Variants in FAM193A observed in about 807,000 individuals in gnomAD.
FAM193A encodes the protein family with sequence similarity 193 member A, also known as protein FAM193A.
FAM193A carries 22 observed loss-of-function variants against 126.5 expected under a neutral mutation model. That is an observed-to-expected ratio of 0.17 (90% CI 0.12 to 0.25). The LOEUF is 0.25. FAM193A is among the 10% of genes least tolerant of loss of function. The probability of loss-of-function intolerance (pLI) is 1.00; values close to 1 mark genes in which losing one functional copy is unlikely to be tolerated. For missense variants in FAM193A, 1,675 were observed against 1,672.8 expected (o/e 1.00, Z -0.02); for synonymous variants, 761 against 646.8 (o/e 1.18, Z -2.68).
Position 2,617,518 on chromosome 4 carries a change from C to T in FAM193A, c.502-7744C>T, listed in dbSNP as rs183329714. On this transcript the variant is annotated intron_variant, in intron 2 of 20. Transcript: ENST00000637812. The stretch of plus-strand genomic sequence containing the variant: ...TGACCTCGTGATCCACCTGCCTCGC[C>T]TTCCCAAAGTGCTGGGATTACAGGC... Among the ~76,000 whole-genome samples, 753 of 151,660 alleles carry T rather than the reference C, an allele frequency of 5.0e-3. 2 individuals are homozygous for T. Among genetic ancestry groups the T allele is most frequent in the Non-Finnish European group, 7.9e-3 (536 of 67,932 alleles).
At chr4:2,605,970 CAAAAA>C (rs1160026686) in intron 2 of FAM193A, among the ~76,000 whole-genome samples, 16 of 31,898 alleles carry the variant, frequency 5.0e-4, no homozygotes, top group African/African-American at 1.6e-3. Flanking sequence ...GACTCTGTCT[CAAAAA>C]AAAAAAAAAA....
At chr4:2,655,219 G>A (rs1222423584) in intron 7 of FAM193A, 1 of 527,060 alleles carries the variant, frequency 1.9e-6, no homozygotes, top group Non-Finnish European at 3.4e-6. Flanking sequence ...ATTTCTAGTT[G>A]ATTTAGGCTA....
intron 6 of FAM193A, among the ~76,000 whole-genome samples, chr4:2,641,129 C>T (rs1223521654): frequency 6.6e-6 from 1 of 151,616 alleles, no homozygotes; most frequent in Non-Finnish European, 1.5e-5. Context: ...CAACCTCCAC[C>T]TCCCAGGTTC....
chr4:2,717,696 G>T (rs1170750552), intron 20 of FAM193A, among the ~76,000 whole-genome samples: 1 of 150,706 alleles, frequency 6.6e-6, no homozygotes, highest in Non-Finnish European at 1.5e-5. Flanking sequence ...TGAGGTTGCA[G>T]TGAACTATGA....
In FAM193A at chr4:2,658,364, C is replaced by G. The variant is rs376459978; in HGVS notation, c.1389+484C>G. Among the ~76,000 whole-genome samples, 41 of 152,266 alleles carry G rather than the reference C, an allele frequency of 2.7e-4. No individual in the cohort carries two copies. In the East Asian group the frequency reaches 4.5e-3, roughly 17 times the overall value. On this transcript the variant is annotated intron_variant, in intron 8 of 20. Transcript: ENST00000637812. ...TGGCAGCTGGCAGATCTGGACTCTCCCTTCCTCATCTTCCTGGCGGTGCCT... is the reference window on the plus strand; with the variant it reads ...TGGCAGCTGGCAGATCTGGACTCTCGCTTCCTCATCTTCCTGGCGGTGCCT...
At position 2,633,067 on chromosome 4, in the gene FAM193A, T is replaced by C. The variant is rs561292046; in HGVS notation, c.1038+1898T>C. Among the ~76,000 whole-genome samples, 7 of 152,314 alleles carry C rather than the reference T, an allele frequency of 4.6e-5. No homozygotes were observed. In the East Asian group the frequency reaches 1.3e-3, roughly 29 times the overall value. On this transcript the variant is annotated intron_variant, in intron 5 of 20. Coordinates refer to ENST00000637812, the MANE Select transcript of FAM193A (RefSeq NM_001366318.2). ...AAAAATTAATTTGAACCATATTTAT[T>C]AGAGCAAATTCCTAGCAGTTGACAT... is the stretch of plus-strand genomic sequence containing the variant.
At chr4:2,691,416 C>T (rs555843758) in intron 15 of FAM193A, among the ~76,000 whole-genome samples, 1 of 152,262 alleles carries the variant, frequency 6.6e-6, no homozygotes, top group African/African-American at 2.4e-5. Context: ...GGGGTTTCAC[C>T]ATTTTGGCCA....
At chr4:2,603,582 A>G (rs192728136) in intron 2 of FAM193A, among the ~76,000 whole-genome samples, 8 of 142,130 alleles carry the variant, frequency 5.6e-5, no homozygotes, top group African/African-American at 1.6e-4. Context: ...TCAGCCTCCC[A>G]AGTAGCTGGG....
chr4:2,660,997 A>G (rs1005551473), intron 10 of FAM193A, among the ~76,000 whole-genome samples: 28 of 152,336 alleles, frequency 1.8e-4, no homozygotes, highest in African/African-American at 6.5e-4. Flanking sequence ...CTGTTATCCA[A>G]CTTCTTACTG....
At chr4:2,606,491 T>G (rs1741559321) in intron 2 of FAM193A, among the ~76,000 whole-genome samples, 1 of 152,220 alleles carries the variant, frequency 6.6e-6, no homozygotes, top group African/African-American at 2.4e-5. Flanking sequence ...ATTGTGGATA[T>G]TTTTCTTTGA....
intron 1 of FAM193A, among the ~76,000 whole-genome samples, chr4:2,591,557 G>T (rs1463561116): frequency 6.6e-6 from 1 of 152,044 alleles, no homozygotes; most frequent in African/African-American, 2.4e-5. Flanking sequence ...TTCATAGGGC[G>T]GTCTAATCTG....
chr4:2,587,603 G>A (rs915812962), intron 1 of FAM193A, among the ~76,000 whole-genome samples: 1 of 152,158 alleles, frequency 6.6e-6, no homozygotes, highest in Non-Finnish European at 1.5e-5. Context: ...GAGGCAGGAG[G>A]ATCACTTGAT....
intron 5 of FAM193A, among the ~76,000 whole-genome samples, chr4:2,637,567 T>C (rs1744211398): frequency 6.6e-6 from 1 of 152,188 alleles, no homozygotes; most frequent in Non-Finnish European, 1.5e-5. Context: ...CAAACCTTTT[T>C]TGTAGTGGGA....
chr4:2,656,080 T>A (rs1039869663), intron 7 of FAM193A, among the ~76,000 whole-genome samples: 4 of 152,166 alleles, frequency 2.6e-5, no homozygotes, highest in African/African-American at 7.2e-5. Flanking sequence ...AGCCACTGCA[T>A]CCAGCCAGGA....
chr4:2,635,505 T>G (rs959827169), intron 5 of FAM193A, among the ~76,000 whole-genome samples: 2 of 152,194 alleles, frequency 1.3e-5, no homozygotes, highest in African/African-American at 4.8e-5. Context: ...TAATACACTT[T>G]TACATTAGAT....
intron 6 of FAM193A, 145 bp downstream of exon 6, chr4:2,640,004 C>A: frequency 4.3e-6 from 3 of 704,818 alleles, no homozygotes; most frequent in Non-Finnish European, 4.4e-6. Context: ...TAGTTTGGGC[C>A]AAAAGCTCAA....
intron 13 of FAM193A, among the ~76,000 whole-genome samples, chr4:2,687,815 AACAAAGTGGT>A (rs1172803658): frequency 6.6e-6 from 1 of 152,156 alleles, no homozygotes; most frequent in Non-Finnish European, 1.5e-5. Context: ...GCCCCTTCAG[AACAAAGTGGT>A]ACAAAGTTGT....
intron 1 of FAM193A, among the ~76,000 whole-genome samples, chr4:2,574,896 G>T (rs1739496999): frequency 2.0e-5 from 3 of 152,266 alleles, no homozygotes; most frequent in South Asian, 4.1e-4. Flanking sequence ...ATGAAATCAA[G>T]AAAAAGTTCT....
rs1290880988 is a variant in FAM193A, at chr4:2,626,508, C to A, written c.734C>A (p.Thr245Asn). Residue 245 changes from threonine (T) to asparagine (N), a missense_variant, in exon 4 of 21, where the codon ACC becomes AAC. Transcript: ENST00000637812. ...TVRCIYRQAG[T>N]PLADDQDQSL... ...CGCTGCATCTACCGCCAGGCAGGAA[C>A]CCCGCTGGCAGATGACCAGGACCAG... 2 of 702,398 alleles carry A rather than the reference C, an allele frequency of 2.8e-6. No homozygotes were observed. The highest frequency in any genetic ancestry group is 5.2e-6 in the Non-Finnish European group (2 of 384,968). 43.5% of individuals were successfully genotyped at this position (702,398 alleles called of 1,614,324 possible).
Sources: allele counts gnomAD v4.1 joint callset (sites outside exome capture counted in the v4.1 genomes callset), GRCh38; gene constraint gnomAD v4.1.1; transcripts MANE v1.5; gene names NCBI Gene and HGNC (gene_info 2026-07-23, HGNC 2026-07-21).